The following RGS12 variants were observed in gnomAD, a reference collection of about 807,000 sequenced individuals.
RGS12 encodes the protein regulator of G protein signaling 12.
A neutral mutation model predicts 120.1 loss-of-function variants in RGS12; 66 were observed. That is an observed-to-expected ratio of 0.55 (90% CI 0.45 to 0.67). The LOEUF (loss-of-function observed/expected upper bound fraction) is 0.67, where lower values mean the gene tolerates loss of function less well. Ranked by LOEUF, RGS12 falls within the 30% of genes least tolerant of loss-of-function variation. The pLI is 0.00. For synonymous variants in RGS12, 827 were observed against 804.7 expected, an observed-to-expected ratio of 1.03 and a Z score of -0.47; for missense variants, 1,859 against 1,957.7, an observed-to-expected ratio of 0.95 and a Z score of 0.95.
intron 2 of RGS12, among the ~76,000 whole-genome samples, chr4:3,327,425 A>G (rs1474692004): frequency 1.3e-5 from 2 of 152,246 alleles, no homozygotes; most frequent in Non-Finnish European, 2.9e-5. Context: ...CAAAAACAAA[A>G]TTGGACAAGT....
chr4:3,406,769 G>T (rs1477226967), intron 4 of RGS12, among the ~76,000 whole-genome samples: 1 of 152,190 alleles, frequency 6.6e-6, no homozygotes, highest in Admixed American at 6.5e-5. Flanking sequence ...AACAGAGGTG[G>T]GTGTGGCACC....
At position 3,366,259 on chromosome 4, in the gene RGS12, G is replaced by A. The variant is rs1349543524; in HGVS notation, c.1999-20157G>A. Among the ~76,000 whole-genome samples the A allele has an allele frequency of 6.6e-6, 1 of 152,190 alleles. No individual in the cohort carries two copies. Among genetic ancestry groups the A allele is most frequent in the Admixed American group, 6.5e-5 (1 of 15,290 alleles). The stretch of plus-strand genomic sequence containing the variant: ...TCAGACTGGCATATGGCGGCCAGCT[G>A]TCTAGTTGGTTATGCGGGGTCAGGG... On this transcript the variant is annotated intron_variant, in intron 3 of 17. Transcript: ENST00000336727. This position sits in a 1 kb window ranked among gnomAD's most constrained non-coding sequence, Gnocchi z 4.0.
chr4:3,417,899 C>A (rs193255676), intron 9 of RGS12: 1 of 210,420 alleles, frequency 4.8e-6, no homozygotes, highest in Non-Finnish European at 9.5e-6. Flanking sequence ...TTGGAAAATA[C>A]AATCAAGTAA....
At chr4:3,401,556 G>C (rs1345840372) in intron 4 of RGS12, among the ~76,000 whole-genome samples, 2 of 152,264 alleles carry the variant, frequency 1.3e-5, no homozygotes, top group African/African-American at 4.8e-5. Flanking sequence ...TTCTCACGCT[G>C]TCCCTGTGAA....
intron 2 of RGS12, among the ~76,000 whole-genome samples, chr4:3,333,496 T>TC (rs1262414274): frequency 1.3e-5 from 2 of 152,204 alleles, no homozygotes; most frequent in African/African-American, 2.4e-5. Context: ...TCTCCCTTTT[T>TC]CCCCTTAAAG....
chr4:3,432,375 C>T (rs867390994), intron 17 of RGS12: 50 of 193,012 alleles, frequency 2.6e-4, no homozygotes, highest in Middle Eastern at 2.5e-3. Context: ...CACAGCTGTG[C>T]GGCGGGACAG....
At chr4:3,403,607 C>T (rs77671823) in intron 4 of RGS12, among the ~76,000 whole-genome samples, 1 of 152,324 alleles carries the variant, frequency 6.6e-6, no homozygotes, top group African/African-American at 2.4e-5. Flanking sequence ...ATTCCAGATC[C>T]CTGTTTTCTA....
chr4:3,340,692 T>C (rs982216657), intron 2 of RGS12, among the ~76,000 whole-genome samples: 2 of 152,204 alleles, frequency 1.3e-5, no homozygotes, highest in African/African-American at 4.8e-5. Flanking sequence ...TCTTACAGGC[T>C]GATTTACAGA....
chr4:3,379,489 C>T (rs1384104536), intron 3 of RGS12, among the ~76,000 whole-genome samples: 4 of 152,158 alleles, frequency 2.6e-5, no homozygotes, highest in East Asian at 3.8e-4. Flanking sequence ...ATATCACATA[C>T]ATTAAATAAA....
intron 3 of RGS12, among the ~76,000 whole-genome samples, chr4:3,362,788 A>T (rs1448472955): frequency 3.9e-5 from 5 of 127,880 alleles, no homozygotes; most frequent in Non-Finnish European, 8.2e-5. Flanking sequence ...GGTGTGTGTG[A>T]GGGTGTGTGT....
At chr4:3,307,938 T>G (rs932238286) in intron 1 of RGS12, among the ~76,000 whole-genome samples, 4 of 152,156 alleles carry the variant, frequency 2.6e-5, no homozygotes, top group Non-Finnish European at 4.4e-5. Context: ...CCTTACCTGG[T>G]GTATTTGGGT....
chr4:3,439,660 C>T lies in RGS12; in HGVS notation c.4320C>T (p.Ser1440=), dbSNP rs375452626. The part of the protein sequence containing the change: ...VPGEPAKPKT[S]AHHATFV ...GTGAGCCTGCTAAGCCCAAGACCAG[C>T]GCTCACCACGCCACCTTCGTCTGAG... Residue 1440 remains serine (S), a synonymous_variant, in exon 18 of 18, where the codon AGC becomes AGT. Coordinates refer to ENST00000336727, the MANE Select transcript of RGS12 (RefSeq NM_001394154.1). The T allele has an allele frequency of 5.6e-5, 87 of 1,551,298 alleles. No individual in the cohort carries two copies. The highest frequency in any genetic ancestry group is 1.5e-4 in the African/African-American group (11 of 73,442).
chr4:3,301,214 A>G (rs558732812), intron 1 of RGS12, among the ~76,000 whole-genome samples: 153 of 151,428 alleles, frequency 1.0e-3, no homozygotes, highest in African/African-American at 3.3e-3. Flanking sequence ...CCTCTGTTAC[A>G]TGGGGTCTGT....
intron 1 of RGS12, among the ~76,000 whole-genome samples, chr4:3,302,974 G>A (rs1723768673): frequency 6.6e-6 from 1 of 152,220 alleles, no homozygotes; most frequent in South Asian, 2.1e-4. Flanking sequence ...GTTCAGGACC[G>A]TCACTGGTTG....
intron 3 of RGS12, among the ~76,000 whole-genome samples, chr4:3,369,311 G>C (rs1319448511): frequency 1.3e-5 from 2 of 152,354 alleles, no homozygotes; most frequent in Non-Finnish European, 2.9e-5. Context: ...TGTGTGTCCA[G>C]TGCTGTGGGT....
At chr4:3,421,317 G>T (rs1345171772) in intron 10 of RGS12, among the ~76,000 whole-genome samples, 1 of 152,204 alleles carries the variant, frequency 6.6e-6, no homozygotes, top group Non-Finnish European at 1.5e-5. Flanking sequence ...CCAGCATCCT[G>T]GTCATTTGAA....
chr4:3,374,866 G>C lies in RGS12; in HGVS notation c.1999-11550G>C, dbSNP rs530635877. Among the ~76,000 whole-genome samples the C allele has an allele frequency of 6.6e-6, 1 of 152,262 alleles. No homozygotes were observed. The highest frequency in any genetic ancestry group is 2.1e-4 in the South Asian group (1 of 4,822). On this transcript the variant is annotated intron_variant, in intron 3 of 17. Coordinates refer to ENST00000336727, the MANE Select transcript of RGS12 (RefSeq NM_001394154.1). The surrounding 1 kb of genome is among the most constrained non-coding windows in gnomAD (Gnocchi z 6.3). Reference sequence around the variant, plus strand: ...CTTTGCCCCATGGCTTTCTGCCTTGGACTGGGCTCTGCGGGGCAGGGCTGC... The same window carrying C: ...CTTTGCCCCATGGCTTTCTGCCTTGCACTGGGCTCTGCGGGGCAGGGCTGC...
At chr4:3,289,197 T>C (rs1031783267), upstream of RGS12, among the ~76,000 whole-genome samples, 2 of 152,176 alleles carry the variant, frequency 1.3e-5, no homozygotes, top group Non-Finnish European at 2.9e-5. Context: ...ACTTACCAAC[T>C]TAACCATCAC....
chr4:3,398,512 A>G (rs974022513), intron 4 of RGS12, among the ~76,000 whole-genome samples: 2 of 152,216 alleles, frequency 1.3e-5, no homozygotes, highest in African/African-American at 2.4e-5. Context: ...TTTGAAAACA[A>G]CTAAATGAGA....
Sources: gnomAD v4.1 joint callset for allele counts (sites outside exome capture counted in the v4.1 genomes callset) on GRCh38, gnomAD v4.1.1 for gene constraint, Gnocchi (gnomAD v3.1) non-coding constraint, MANE v1.5 for transcripts, NCBI Gene and HGNC (gene_info 2026-07-23, HGNC 2026-07-21) for gene names.